NCKAP5: variants seen among roughly 807,000 people sequenced by gnomAD.
The protein encoded by NCKAP5 is nck-associated protein 5.
NCKAP5 carries 92 observed loss-of-function variants against 167.0 expected under a neutral mutation model. The observed-to-expected ratio is 0.55, with a 90% CI of 0.47 to 0.66. The LOEUF (loss-of-function observed/expected upper bound fraction) is 0.66, where lower values mean the gene tolerates loss of function less well. Among genes scored for constraint, NCKAP5 ranks in the 30% least tolerant of loss-of-function variants. The pLI is 0.00. For missense variants in NCKAP5, 2,378 were observed against 2,315.0 expected, an observed-to-expected ratio of 1.03 and a Z score of -0.56; for synonymous variants, 891 against 877.4, an observed-to-expected ratio of 1.02 and a Z score of -0.27.
rs146180336 is a variant in NCKAP5 at position 133,313,084 on chromosome 2, T to TA, written c.70-9975dup. On this transcript the variant is annotated intron_variant, in intron 3 of 19. Coordinates refer to ENST00000409261, the MANE Select transcript of NCKAP5 (RefSeq NM_207363.3). ...AGTTCAGCACATTTTTTCACTGCCC[T>TA]AAAGAATGCCCTTCCCACAGCTAAC... is the stretch of plus-strand genomic sequence containing the variant. Among the ~76,000 whole-genome samples, 1,058 of 152,280 alleles carry TA rather than the reference T, an allele frequency of 6.9e-3. 9 individuals carry two copies. Among genetic ancestry groups the TA allele is most frequent in the Non-Finnish European group, 8.9e-3 (603 of 68,010 alleles).
chr2:133,424,670 C>T (rs898142395), intron 3 of NCKAP5, among the ~76,000 whole-genome samples: 11 of 152,180 alleles, frequency 7.2e-5, no homozygotes, highest in African/African-American at 2.7e-4. Context: ...TGCCTTGCTA[C>T]TCATGGTGTG....
chr2:133,314,714 G>A (rs1037861388), intron 3 of NCKAP5, among the ~76,000 whole-genome samples: 16 of 152,144 alleles, frequency 1.1e-4, no homozygotes, highest in African/African-American at 3.9e-4. Context: ...CCTGCATGAA[G>A]GTAACATTTT....
chr2:133,339,003 G>A (rs1384945679), intron 3 of NCKAP5, among the ~76,000 whole-genome samples: 2 of 152,150 alleles, frequency 1.3e-5, no homozygotes, highest in African/African-American at 4.8e-5. Flanking sequence ...CTATGTGACA[G>A]AGTGAGACTC....
intron 4 of NCKAP5, among the ~76,000 whole-genome samples, chr2:133,279,000 G>A (rs1022303655): frequency 8.5e-5 from 13 of 152,330 alleles, no homozygotes; most frequent in African/African-American, 2.9e-4. Context: ...ACATTTAGAT[G>A]TTGATCCTTT....
chr2:133,334,761 G>T (rs1404857994), intron 3 of NCKAP5, among the ~76,000 whole-genome samples: 1 of 152,234 alleles, frequency 6.6e-6, no homozygotes, highest in African/African-American at 2.4e-5. Context: ...ATGTGGAGCA[G>T]CAGATGCCTT....
At chr2:133,425,033 A>G (rs761744305) in intron 3 of NCKAP5, among the ~76,000 whole-genome samples, 5 of 152,232 alleles carry the variant, frequency 3.3e-5, no homozygotes, top group East Asian at 1.9e-4. Context: ...AATGAGGCCA[A>G]TGATTAAATG....
chr2:133,313,090 A>ATG (rs956673672), intron 3 of NCKAP5, among the ~76,000 whole-genome samples: 1 of 152,234 alleles, frequency 6.6e-6, no homozygotes, highest in African/African-American at 2.4e-5. Flanking sequence ...GCCCTAAAGA[A>ATG]TGCCCTTCCC....
At chr2:132,739,913 A>G (rs1011515930) in intron 16 of NCKAP5, among the ~76,000 whole-genome samples, 1 of 152,150 alleles carries the variant, frequency 6.6e-6, no homozygotes, top group African/African-American at 2.4e-5. Flanking sequence ...TATACAAATG[A>G]TGTCTGCTGA....
intron 3 of NCKAP5, among the ~76,000 whole-genome samples, chr2:133,308,708 T>C (rs1278462102): frequency 2.3e-5 from 3 of 131,026 alleles, no homozygotes; most frequent in African/African-American, 8.7e-5. Flanking sequence ...TTTTTTTTTT[T>C]TTTTTTTTTT....
chr2:133,297,438 C>T (rs955413877), intron 4 of NCKAP5, among the ~76,000 whole-genome samples: 5 of 151,942 alleles, frequency 3.3e-5, no homozygotes, highest in African/African-American at 1.2e-4. Context: ...ACTTGAAAAC[C>T]CAGAGATAGA....
intron 4 of NCKAP5, among the ~76,000 whole-genome samples, chr2:133,215,477 C>G (rs6745585): frequency 0.47 from 70,709 of 151,946 alleles, 16,867 homozygotes; most frequent in Non-Finnish European, 0.51. Context: ...CCACTCTGAG[C>G]TCTAAACTGA....
intron 8 of NCKAP5, among the ~76,000 whole-genome samples, chr2:132,909,500 A>C (rs1232308775): frequency 6.6e-6 from 1 of 152,202 alleles, no homozygotes; most frequent in Non-Finnish European, 1.5e-5. Context: ...CCCTTTATCA[A>C]AATGAAGACG....
intron 8 of NCKAP5, among the ~76,000 whole-genome samples, chr2:132,893,906 G>A (rs1692926578): frequency 6.6e-6 from 1 of 152,028 alleles, no homozygotes; most frequent in African/African-American, 2.4e-5. Flanking sequence ...ACACACAAAT[G>A]TACACACTCT....
At chr2:133,182,156 T>C (rs1211549088) in intron 5 of NCKAP5, among the ~76,000 whole-genome samples, 1 of 152,130 alleles carries the variant, frequency 6.6e-6, no homozygotes, top group Admixed American at 6.5e-5. Context: ...ACAATTATAG[T>C]TGTAGACTTC....
intron 3 of NCKAP5, among the ~76,000 whole-genome samples, chr2:133,437,442 G>C (rs897209707): frequency 1.2e-4 from 18 of 152,084 alleles, no homozygotes; most frequent in African/African-American, 4.3e-4. Flanking sequence ...TAGAAAGGCT[G>C]GCGTAAAAAA....
At position 132,698,481 on chromosome 2, in the gene NCKAP5, T is replaced by C. The variant is rs146496581; in HGVS notation, c.5714-25176A>G. 2.0e-3 allele frequency among the ~76,000 whole-genome samples: 309 copies of C among 152,236 alleles called. 3 individuals are homozygous for C. The highest frequency in any genetic ancestry group is 7.4e-3 in the African/African-American group (307 of 41,534). On this transcript the variant is annotated intron_variant, in intron 19 of 19. Transcript: ENST00000409261. Reference sequence around the variant, plus strand: ...GTATGGGGGAATGATAAGGGGTAACTGTAAAGCCATGTGTGATCTTAAGAC... The same window carrying C: ...GTATGGGGGAATGATAAGGGGTAACCGTAAAGCCATGTGTGATCTTAAGAC...
At chr2:132,975,770 T>C (rs1415958208) in intron 7 of NCKAP5, among the ~76,000 whole-genome samples, 2 of 151,722 alleles carry the variant, frequency 1.3e-5, no homozygotes, top group African/African-American at 4.8e-5. Context: ...TAAACTTACA[T>C]GCTTAAGAGT....
rs2083617039 is a variant in NCKAP5, at chr2:133,157,424, T to C, written c.208-27313A>G. 3.3e-5 allele frequency among the ~76,000 whole-genome samples: 5 copies of C among 152,228 alleles called. No homozygotes were observed. In the South Asian group the frequency reaches 1.0e-3, roughly 32 times the overall value. The stretch of plus-strand genomic sequence containing the variant: ...TAATACGTAGAGGAAAGGTTTCCCA[T>C]CTGCCTGGGGTTGACAGATTTCAAA... On this transcript the variant is annotated intron_variant, in intron 5 of 19. Coordinates refer to ENST00000409261, the MANE Select transcript of NCKAP5 (RefSeq NM_207363.3).
chr2:133,317,976 C>A (rs1681735867), intron 3 of NCKAP5, among the ~76,000 whole-genome samples: 1 of 152,172 alleles, frequency 6.6e-6, no homozygotes, highest in Non-Finnish European at 1.5e-5. Flanking sequence ...TTTCACTGTG[C>A]AGCTCCTCTT....
Sources: allele counts gnomAD v4.1 joint callset (sites outside exome capture counted in the v4.1 genomes callset), GRCh38; gene constraint gnomAD v4.1.1; transcripts MANE v1.5; gene names NCBI Gene and HGNC (gene_info 2026-07-23, HGNC 2026-07-21).